Variants in FAM184A observed in about 807,000 individuals in gnomAD.
The protein encoded by FAM184A is family with sequence similarity 184 member A, also known as protein FAM184A.
A neutral mutation model predicts 143.8 loss-of-function variants in FAM184A; 99 were observed. The ratio of observed to expected loss-of-function variants is 0.69; its 90% CI spans 0.58 to 0.81. The LOEUF is 0.81. FAM184A is among the 40% of genes least tolerant of loss of function. The pLI is 0.00. For synonymous variants in FAM184A, 427 were observed against 446.4 expected, an observed-to-expected ratio of 0.96 and a Z score of 0.55; for missense variants, 1,217 against 1,310.5, an observed-to-expected ratio of 0.93 and a Z score of 1.10.
intron 12 of FAM184A, 138 bp downstream of exon 12, chr6:118,975,779 T>G: frequency 1.2e-6 from 1 of 857,020 alleles, no homozygotes; most frequent in Non-Finnish European, 1.7e-6. Flanking sequence ...AATAACTGAA[T>G]CAAATAAAGC....
At chr6:118,971,131 C>T (rs560458175) in intron 14 of FAM184A, among the ~76,000 whole-genome samples, 115 of 152,266 alleles carry the variant, frequency 7.6e-4, no homozygotes, top group Non-Finnish European at 1.4e-3. Context: ...AGCACTTTAA[C>T]GCTGAACCTT....
At chr6:119,147,911 T>C (rs1247686492) in intron 1 of FAM184A, among the ~76,000 whole-genome samples, 1 of 152,218 alleles carries the variant, frequency 6.6e-6, no homozygotes, top group Non-Finnish European at 1.5e-5. Flanking sequence ...TCCCTTTTTT[T>C]CCACTCTAAA....
At chr6:119,043,169 A>C (rs1786407690) in intron 1 of FAM184A, among the ~76,000 whole-genome samples, 1 of 152,154 alleles carries the variant, frequency 6.6e-6, no homozygotes, top group South Asian at 2.1e-4. Context: ...ATAACCTATA[A>C]ATTCATCAAT....
At chr6:119,041,406 G>A (rs777604196) in intron 1 of FAM184A, among the ~76,000 whole-genome samples, 3 of 152,170 alleles carry the variant, frequency 2.0e-5, no homozygotes, top group Non-Finnish European at 2.9e-5. Flanking sequence ...GGCCAATCAG[G>A]TAGTAAAGAG....
At position 119,003,528 on chromosome 6, in the gene FAM184A, A is replaced by G. The variant is rs1339565521; in HGVS notation, c.1910T>C (p.Leu637Ser). Reference sequence around the variant, plus strand: ...AAGATTTTCAGTCCACTTAATTTCTAAGTCATGGGCCATTTTGTCCACTTT... The same window carrying G: ...AAGATTTTCAGTCCACTTAATTTCTGAGTCATGGGCCATTTTGTCCACTTT... ...KLKVDKMAHD[L>S]EIKWTENLRQ... The change falls in exon 8 of 18, where the codon TTA (leucine) becomes TCA (serine). Residue 637 changes from leucine (L) to serine (S), a missense_variant. By Grantham distance (145) the Leu-to-Ser change is moderately radical. Coordinates refer to ENST00000338891, the MANE Select transcript of FAM184A (RefSeq NM_024581.6). The G allele has an allele frequency of 1.9e-6, 3 of 1,612,384 alleles. No individual in the cohort carries two copies. The East Asian group carries it at 6.7e-5, about 36-fold the overall frequency.
Position 118,961,775 on chromosome 6 carries a change from G to A in FAM184A, c.3327C>T (p.Pro1109=). Residue 1109 remains proline (P), a synonymous_variant, in exon 17 of 18, where the codon CCC becomes CCT. Coordinates refer to ENST00000338891, the MANE Select transcript of FAM184A (RefSeq NM_024581.6). ...ACGGGTCTCACCTCAAAAATGTCTT[G>A]GGCCCTTTAGGTGGCACTGGCTGTG... ...PLPQPVPPKG[P]KTFLSPAQSE... 1 of 1,613,578 alleles carries A rather than the reference G, an allele frequency of 6.2e-7. No homozygotes were observed. The highest frequency in any genetic ancestry group is 8.5e-7 in the Non-Finnish European group (1 of 1,179,656).
At chr6:119,138,123 A>G (rs1297533738) in intron 1 of FAM184A, among the ~76,000 whole-genome samples, 3 of 152,236 alleles carry the variant, frequency 2.0e-5, no homozygotes, top group African/African-American at 7.2e-5. Flanking sequence ...GATACATACT[A>G]TGAAGGAAAC....
At position 119,020,122 on chromosome 6, in the gene FAM184A, C is replaced by G. The variant is rs181029575; in HGVS notation, c.1188G>C (p.Gln396His). The change falls in exon 4 of 18, where the codon CAG (glutamine) becomes CAC (histidine). Residue 396 changes from glutamine (Q) to histidine (H), a missense_variant. Gln to His is a conservative substitution (Grantham distance 24, BLOSUM62 0). Coordinates refer to ENST00000338891, the MANE Select transcript of FAM184A (RefSeq NM_024581.6). ...IGMLQATQMT[Q>H]EVTIKDLESE... is the part of the protein sequence containing the mutation. ...ATTCTAAATCTTTAATTGTAACTTC[C>G]TGGGTCATTTGAGTTGCTTGAAGCA... 18 of 1,602,542 alleles carry G rather than the reference C, an allele frequency of 1.1e-5. No individual in the cohort carries two copies. The highest frequency in any genetic ancestry group is 1.4e-5 in the Non-Finnish European group (16 of 1,176,636).
intron 1 of FAM184A, among the ~76,000 whole-genome samples, chr6:119,139,151 G>A (rs970954915): frequency 1.3e-5 from 2 of 152,076 alleles, no homozygotes; most frequent in African/African-American, 4.8e-5. Flanking sequence ...AAACAGAAGT[G>A]GTTTTATCTG....
intron 1 of FAM184A, among the ~76,000 whole-genome samples, chr6:119,130,729 C>T (rs888775268): frequency 6.6e-6 from 1 of 152,112 alleles, no homozygotes; most frequent in South Asian, 2.1e-4. Flanking sequence ...ACCCGGTCTT[C>T]GTAACAGGTC....
chr6:119,119,322 C>T (rs140246934), intron 1 of FAM184A, among the ~76,000 whole-genome samples: 2 of 152,184 alleles, frequency 1.3e-5, no homozygotes, highest in Non-Finnish European at 2.9e-5. Flanking sequence ...CCTATTCGTA[C>T]GCTCCCTCCT....
chr6:118,996,929 T>G (rs1784581569), intron 9 of FAM184A, among the ~76,000 whole-genome samples: 1 of 151,078 alleles, frequency 6.6e-6, no homozygotes, highest in Non-Finnish European at 1.5e-5. Flanking sequence ...TTCTCTATGT[T>G]GGCCGGGCTG....
rs557392160 is a variant in FAM184A, at chr6:119,014,159, T to C, written c.1530+2588A>G. 2.8e-4 allele frequency among the ~76,000 whole-genome samples: 43 copies of C among 152,354 alleles called. No homozygotes were observed. The South Asian group carries it at 8.5e-3, about 30-fold the overall frequency. On this transcript the variant is annotated intron_variant, in intron 5 of 17. Coordinates refer to ENST00000338891, the MANE Select transcript of FAM184A (RefSeq NM_024581.6). ...AATCAAACCAAAGTGTCATAAGAAT[T>C]AGATTTTTTAAAAGATGCAAAACAT...
chr6:119,075,556 G>A (rs1039370664), intron 1 of FAM184A, among the ~76,000 whole-genome samples: 1 of 152,156 alleles, frequency 6.6e-6, no homozygotes, highest in Non-Finnish European at 1.5e-5. Flanking sequence ...CTGCTCTTAA[G>A]TGTGCTGCTG....
intron 9 of FAM184A, among the ~76,000 whole-genome samples, chr6:118,987,849 A>G (rs1784240619): frequency 6.6e-6 from 1 of 152,216 alleles, no homozygotes; most frequent in Non-Finnish European, 1.5e-5. Context: ...ATAAAATCTC[A>G]ATTGGCTTTA....
At chr6:118,992,795 T>TTCTA (rs1244507568) in intron 9 of FAM184A, among the ~76,000 whole-genome samples, 1 of 152,152 alleles carries the variant, frequency 6.6e-6, no homozygotes, top group Non-Finnish European at 1.5e-5. Context: ...GCTGGCATAG[T>TTCTA]GGCATGTACC....
At chr6:119,096,737 T>C (rs1418039487) in intron 1 of FAM184A, among the ~76,000 whole-genome samples, 6 of 152,036 alleles carry the variant, frequency 3.9e-5, no homozygotes. Context: ...AGATTCAGTA[T>C]GGGAGTGATA....
At chr6:118,982,914 C>T (rs557358192) in intron 9 of FAM184A, among the ~76,000 whole-genome samples, 41 of 152,264 alleles carry the variant, frequency 2.7e-4, no homozygotes, top group African/African-American at 9.4e-4. Flanking sequence ...TTGTAATATA[C>T]TTTACCTTGA....
Position 119,024,278 on chromosome 6 carries a change from T to C in FAM184A, c.695A>G (p.Lys232Arg). The C allele has an allele frequency of 6.2e-7, 1 of 1,614,192 alleles. No individual in the cohort carries two copies. The highest frequency in any genetic ancestry group is 8.5e-7 in the Non-Finnish European group (1 of 1,180,018). The change falls in exon 2 of 18, where the codon AAA (lysine) becomes AGA (arginine). Residue 232 changes from lysine (K) to arginine (R), a missense_variant. By Grantham distance (26) the Lys-to-Arg change is conservative. Coordinates refer to ENST00000338891, the MANE Select transcript of FAM184A (RefSeq NM_024581.6). ...TTCAAGTCTTAGCTCCTCAAGCATTTTGTTTAGGGACTCCACCTCCATTCT... is the reference window on the plus strand; with the variant it reads ...TTCAAGTCTTAGCTCCTCAAGCATTCTGTTTAGGGACTCCACCTCCATTCT... Reference protein sequence around the residue: ...LHRMEVESLNKMLEELRLERK... With the variant: ...LHRMEVESLNRMLEELRLERK...
Sources: allele counts gnomAD v4.1 joint callset (sites outside exome capture counted in the v4.1 genomes callset), GRCh38; gene constraint gnomAD v4.1.1; transcripts MANE v1.5; gene names NCBI Gene and HGNC (gene_info 2026-07-23, HGNC 2026-07-21).